Variants in RRBP1 observed in about 807,000 individuals in gnomAD.
RRBP1 encodes the protein ribosome binding protein 1, also known as ribosome-binding protein 1.
In RRBP1, 94 loss-of-function variants were observed where a neutral mutation model predicts 165.2. The observed-to-expected ratio is 0.57, with a 90% confidence interval of 0.48 to 0.68. The LOEUF is 0.68. Among genes scored for constraint, RRBP1 ranks in the 30% least tolerant of loss-of-function variants. The probability of loss-of-function intolerance (pLI) is 0.00; values close to 1 mark genes in which losing one functional copy is unlikely to be tolerated. For missense variants in RRBP1, 1,676 were observed against 1,763.0 expected, an observed-to-expected ratio of 0.95 and a Z score of 0.88; for synonymous variants, 680 against 714.5, an observed-to-expected ratio of 0.95 and a Z score of 0.77.
At chr20:17,676,747 T>C (rs1421652679) in intron 2 of RRBP1, among the ~76,000 whole-genome samples, 2 of 151,952 alleles carry the variant, frequency 1.3e-5, no homozygotes, top group African/African-American at 4.8e-5. Flanking sequence ...AAAATCTAGA[T>C]TTTGTTTTTG....
chr20:17,647,528 T>G (rs2036485619), intron 3 of RRBP1, among the ~76,000 whole-genome samples: 1 of 152,182 alleles, frequency 6.6e-6, no homozygotes, highest in African/African-American at 2.4e-5. Context: ...CCCAGGGGGA[T>G]GCGGCTGGAA....
At chr20:17,658,411 C>T (rs1033707752) in intron 3 of RRBP1, among the ~76,000 whole-genome samples, 185 bp downstream of exon 3, 9 of 152,184 alleles carry the variant, frequency 5.9e-5, no homozygotes, top group African/African-American at 2.2e-4. Context: ...CATCTGCCAA[C>T]CTCCAGAAGC....
intron 9 of RRBP1, among the ~76,000 whole-genome samples, chr20:17,628,732 G>A (rs2036084510): frequency 6.6e-6 from 1 of 152,234 alleles, no homozygotes. Flanking sequence ...CCTCTGCCAT[G>A]CATCCCCTCC....
At chr20:17,672,590 A>G (rs1249425762) in intron 2 of RRBP1, among the ~76,000 whole-genome samples, 1 of 152,246 alleles carries the variant, frequency 6.6e-6, no homozygotes, top group Admixed American at 6.5e-5. Context: ...AATTAGAACA[A>G]GCACTTCAGA....
At chr20:17,677,903 T>C (rs192833284) in intron 2 of RRBP1, among the ~76,000 whole-genome samples, 9 of 152,168 alleles carry the variant, frequency 5.9e-5, no homozygotes, top group Admixed American at 5.9e-4. Flanking sequence ...GCTGTGTAAA[T>C]AGTCACTGGT....
At chr20:17,675,318 G>C (rs149272343) in intron 2 of RRBP1, among the ~76,000 whole-genome samples, 15 of 152,228 alleles carry the variant, frequency 9.9e-5, no homozygotes, top group African/African-American at 2.7e-4. Flanking sequence ...CAGGCTACAT[G>C]ATATACTCGC....
At chr20:17,625,277 C>T (rs75859705) in intron 12 of RRBP1, among the ~76,000 whole-genome samples, 3,185 of 152,270 alleles carry the variant, frequency 0.021, 123 homozygotes, top group African/African-American at 0.069. Context: ...GATGACTCCA[C>T]GCTTGAGCGA....
chr20:17,623,801 G>A (rs1402078227), intron 13 of RRBP1, among the ~76,000 whole-genome samples: 1 of 152,074 alleles, frequency 6.6e-6, no homozygotes, highest in Non-Finnish European at 1.5e-5. Flanking sequence ...GCGTGGTGGT[G>A]CACGCCTGTA....
rs536144341 is a variant in RRBP1, at chr20:17,666,692, G to A, written c.-21-6164C>T. On this transcript the variant is annotated intron_variant, in intron 2 of 24. Coordinates refer to ENST00000377813, the MANE Select transcript of RRBP1 (RefSeq NM_001365613.2). ...TGGCTGAGAACTCTGATGCAGTGCT[G>A]AGCAGAGTCTGTGCAATAAGCTGCC... is the stretch of plus-strand genomic sequence containing the variant. 2.0e-5 allele frequency among the ~76,000 whole-genome samples: 3 copies of A among 152,320 alleles called. No homozygotes were observed. In the East Asian group the frequency reaches 5.8e-4, roughly 29 times the overall value.
chr20:17,629,954 T>C lies in RRBP1; in HGVS notation c.2618A>G (p.His873Arg). The change falls in exon 9 of 25, where the codon CAC becomes CGC. Residue 873 changes from histidine to arginine, a missense_variant. Physicochemically the swap from His to Arg is conservative, Grantham distance 29. This residue lies in a region of RRBP1 where 1,184 missense variants were observed against 1,167.1 expected (regional missense o/e 1.01). Coordinates refer to ENST00000377813, the MANE Select transcript of RRBP1 (RefSeq NM_001365613.2). ...EKQVLQLQASHRESEEALQKR... is the reference protein window; with the variant it reads ...EKQVLQLQASRRESEEALQKR... ...CTGCAGGGCCTCCTCACTCTCCCTG[T>C]GGGACGCCTGGGGACGGGCAGGGGA... The C allele has an allele frequency of 6.3e-7, 1 of 1,595,476 alleles. No homozygotes were observed. Among genetic ancestry groups the C allele is most frequent in the Non-Finnish European group, 8.5e-7 (1 of 1,176,370 alleles).
At position 17,659,552 on chromosome 20, in the gene RRBP1, C is replaced by T; in HGVS notation, c.956G>A (p.Gly319Asp). The change falls in exon 3 of 25, where the codon GGC becomes GAC. Residue 319 changes from glycine (G) to aspartate (D), a missense_variant. Around this residue, in one of 5 missense-constraint regions of RRBP1, gnomAD observed 78 missense variants for 115.6 expected, o/e 0.67. Coordinates refer to ENST00000377813, the MANE Select transcript of RRBP1 (RefSeq NM_001365613.2). ...GKKAEGAQNQ[G>D]KKGEGAQNQG... The stretch of plus-strand genomic sequence containing the variant: ...GTTCTGGGCCCCCTCTCCCTTTTTG[C>T]CCTGATTCTGGGCCCCCTCTGCCTT... 1 of 1,549,480 alleles carries T rather than the reference C, an allele frequency of 6.5e-7. No homozygotes were observed. Among genetic ancestry groups the T allele is most frequent in the Non-Finnish European group, 8.7e-7 (1 of 1,146,656 alleles).
At position 17,616,631 on chromosome 20, in the gene RRBP1, G is replaced by T. The variant is rs180733092; in HGVS notation, c.3867+101C>A. 1.0e-3 allele frequency: 786 copies of T among 761,722 alleles called. 7 individuals carry two copies. In the Middle Eastern group the frequency reaches 0.012, roughly 12 times the overall value. 47.2% of individuals were successfully genotyped at this position (761,722 alleles called of 1,614,324 possible). ...CAGGGTGGGGTGGGGAAGCAGCGGA[G>T]GCTGGAGCAGCCAGTGCGGGGTTTA... On this transcript the variant is annotated intron_variant, in intron 21 of 24. Transcript: ENST00000377813.
chr20:17,618,146 C>T (rs969082498), intron 20 of RRBP1, among the ~76,000 whole-genome samples: 7 of 152,244 alleles, frequency 4.6e-5, no homozygotes, highest in Admixed American at 4.6e-4. Flanking sequence ...TTGATCTGAG[C>T]TGTCACTGAG....
At position 17,659,759 on chromosome 20, in the gene RRBP1, T is replaced by C. The variant is rs1461294717; in HGVS notation, c.749A>G (p.Lys250Arg). ...KKAEGTPNQG[K>R]KAEGTPNQGK... Reference sequence around the variant, plus strand: ...TTGGTTTGGGGTTCCTTCTGCCTTTTTGCCTTGGTTTGGGGTTCCCTCTGC... The same window carrying C: ...TTGGTTTGGGGTTCCTTCTGCCTTTCTGCCTTGGTTTGGGGTTCCCTCTGC... The change falls in exon 3 of 25, where the codon AAA (lysine) becomes AGA (arginine). Residue 250 changes from lysine to arginine, a missense_variant. Lys to Arg is a conservative substitution (Grantham distance 26). Around this residue, in one of 5 missense-constraint regions of RRBP1, gnomAD observed 392 missense variants for 382.5 expected, o/e 1.02. Coordinates refer to ENST00000377813, the MANE Select transcript of RRBP1 (RefSeq NM_001365613.2). 4 of 1,550,664 alleles carry C rather than the reference T, an allele frequency of 2.6e-6. No individual in the cohort carries two copies. The highest frequency in any genetic ancestry group is 4.9e-5 in the East Asian group (2 of 40,916).
At chr20:17,629,230 G>T (rs961265808) in intron 9 of RRBP1, among the ~76,000 whole-genome samples, 4 of 152,248 alleles carry the variant, frequency 2.6e-5, no homozygotes, top group Non-Finnish European at 5.9e-5. Context: ...CTGGGGAGGG[G>T]CTCGGGAAGC....
Position 17,660,547 on chromosome 20 carries a change from G to T in RRBP1, c.-21-19C>A. Reference sequence around the variant, plus strand: ...CTTTCACCTGTCAAACATACATGGAGGTTACTATTTATAGAAATCAAGGCC... The same window carrying T: ...CTTTCACCTGTCAAACATACATGGATGTTACTATTTATAGAAATCAAGGCC... On this transcript the variant is annotated intron_variant, in intron 2 of 24. Coordinates refer to ENST00000377813, the MANE Select transcript of RRBP1 (RefSeq NM_001365613.2). The T allele has an allele frequency of 6.9e-7, 1 of 1,447,028 alleles. No individual in the cohort carries two copies. The highest frequency in any genetic ancestry group is 9.6e-7 in the Non-Finnish European group (1 of 1,044,744). 89.6% of individuals were successfully genotyped at this position (1,447,028 alleles called of 1,614,324 possible).
intron 2 of RRBP1, among the ~76,000 whole-genome samples, chr20:17,673,094 G>C (rs951934537): frequency 2.0e-5 from 3 of 152,190 alleles, no homozygotes; most frequent in Admixed American, 6.5e-5. Flanking sequence ...GTAGACTCGT[G>C]ATAGTGCATT....
chr20:17,652,916 T>C (rs1327014348), intron 3 of RRBP1, among the ~76,000 whole-genome samples: 1 of 152,180 alleles, frequency 6.6e-6, no homozygotes, highest in Non-Finnish European at 1.5e-5. Context: ...GTGAAACCAA[T>C]TCCACAAGCC....
intron 2 of RRBP1, among the ~76,000 whole-genome samples, chr20:17,677,008 A>G (rs1176630335): frequency 1.3e-5 from 2 of 152,042 alleles, no homozygotes; most frequent in Admixed American, 6.5e-5. Context: ...TTGGCCTCCC[A>G]AAGTGCTGGG....
Sources: gnomAD v4.1 joint callset for allele counts (sites outside exome capture counted in the v4.1 genomes callset) on GRCh38, gnomAD v4.1.1 for gene constraint, gnomAD v4.1.1 regional missense constraint, MANE v1.5 for transcripts, NCBI Gene and HGNC (gene_info 2026-07-23, HGNC 2026-07-21) for gene names.